Variants in GRK3 observed in about 807,000 individuals in gnomAD.
GRK3 encodes the protein G protein-coupled receptor kinase 3.
A neutral mutation model predicts 95.7 loss-of-function variants in GRK3; 54 were observed. The observed-to-expected ratio is 0.56, with a 90% CI of 0.45 to 0.71. The LOEUF is 0.71. Ranked by LOEUF, GRK3 falls within the 30% of genes least tolerant of loss-of-function variation. The pLI is 0.00. For synonymous variants in GRK3, 281 were observed against 290.8 expected, an observed-to-expected ratio of 0.97 and a Z score of 0.34; for missense variants, 649 against 851.2, an observed-to-expected ratio of 0.76 and a Z score of 2.96.
At chr22:25,604,292 A>G in intron 1 of GRK3, 85 bp from the exon 2 acceptor site, 2 of 981,030 alleles carry the variant, frequency 2.0e-6, no homozygotes, top group Non-Finnish European at 3.1e-6. Context: ...ATATGAAGTC[A>G]AGACATCCGT....
Position 25,722,431 on chromosome 22 carries a change from G to A in GRK3, c.2048G>A (p.Arg683Lys). The change falls in exon 21 of 21, where the codon AGA (arginine) becomes AAA (lysine). Residue 683 changes from arginine to lysine, a missense_variant. Around this residue, in one of 3 missense-constraint regions of GRK3, gnomAD observed 382 missense variants for 493.8 expected, o/e 0.77. Transcript: ENST00000324198. The stretch of plus-strand genomic sequence containing the variant: ...CTCCCAAAGCCATCCCTCTGTCACA[G>A]AAACAGCAACGGCCTCTAGCACCCA... ...VELPKPSLCHRNSNGL is the reference protein window; with the variant it reads ...VELPKPSLCHKNSNGL 1 of 1,614,174 alleles carries A rather than the reference G, an allele frequency of 6.2e-7. No individual in the cohort carries two copies. The highest frequency in any genetic ancestry group is 8.5e-7 in the Non-Finnish European group (1 of 1,180,022).
Position 25,633,168 on chromosome 22 carries a change from C to T in GRK3, c.191-11424C>T, listed in dbSNP as rs577366723. Among the ~76,000 whole-genome samples the T allele has an allele frequency of 1.4e-3, 208 of 152,180 alleles. 3 individuals carry two copies. The highest frequency in any genetic ancestry group is 3.7e-3 in the African/African-American group (153 of 41,514). ...CTGACCTCAAGTGATCCACCCGCCT[C>T]GGCCTCCCAAAGTGCTAGGATTACA... On this transcript the variant is annotated intron_variant, in intron 2 of 20. Transcript: ENST00000324198.
chr22:25,654,822 G>C lies in GRK3; in HGVS notation c.265-6754G>C, dbSNP rs183516249. Among the ~76,000 whole-genome samples the C allele has an allele frequency of 2.0e-3, 301 of 152,224 alleles. 1 individual carries two copies. The highest frequency in any genetic ancestry group is 6.9e-3 in the African/African-American group (287 of 41,538). ...CATTTCCATTTGAACTTGAAGCATTGGTGTTTCTCTTAGCTGGCATCCTCC... is the reference window on the plus strand; with the variant it reads ...CATTTCCATTTGAACTTGAAGCATTCGTGTTTCTCTTAGCTGGCATCCTCC... On this transcript the variant is annotated intron_variant, in intron 3 of 20. Coordinates refer to ENST00000324198, the MANE Select transcript of GRK3 (RefSeq NM_005160.4).
At chr22:25,716,744 A>G (rs2085388858) in intron 18 of GRK3, among the ~76,000 whole-genome samples, 1 of 152,252 alleles carries the variant, frequency 6.6e-6, no homozygotes, top group Admixed American at 6.5e-5. Flanking sequence ...ATAAAAAATA[A>G]TGCAAATAAA....
chr22:25,645,520 G>A (rs913258262), intron 3 of GRK3, among the ~76,000 whole-genome samples: 2 of 152,190 alleles, frequency 1.3e-5, no homozygotes, highest in African/African-American at 2.4e-5. Flanking sequence ...ACTGAGTGGG[G>A]TGGGAGGCCA....
At chr22:25,595,960 A>G (rs113520165) in intron 1 of GRK3, among the ~76,000 whole-genome samples, 3,661 of 152,274 alleles carry the variant, frequency 0.024, 47 homozygotes, top group East Asian at 0.037. Flanking sequence ...GTATGTGTGT[A>G]TATGTAATAC....
At chr22:25,565,799 G>A (rs1931457282) in intron 1 of GRK3, among the ~76,000 whole-genome samples, 1 of 152,114 alleles carries the variant, frequency 6.6e-6, no homozygotes. Flanking sequence ...TCTTTTTGGT[G>A]CCAAGTGTGT....
At chr22:25,572,222 G>A (rs892584935) in intron 1 of GRK3, among the ~76,000 whole-genome samples, 5 of 152,142 alleles carry the variant, frequency 3.3e-5, no homozygotes, top group Admixed American at 6.5e-5. Context: ...ATTCCATGGT[G>A]TATATGTGCC....
intron 2 of GRK3, among the ~76,000 whole-genome samples, chr22:25,636,039 T>G (rs1449760484): frequency 6.6e-6 from 1 of 152,202 alleles, no homozygotes; most frequent in Non-Finnish European, 1.5e-5. Context: ...TTTCCCAGTT[T>G]TGGCTACTAG....
chr22:25,722,991 G>C lies in GRK3; in HGVS notation c.*541G>C, dbSNP rs2085445729. Reference sequence around the variant, plus strand: ...AAGTTGAAGATATTTCTGCACTTGGGCCCTCCTCTGGGAGCCGCACCCACA... The same window carrying C: ...AAGTTGAAGATATTTCTGCACTTGGCCCCTCCTCTGGGAGCCGCACCCACA... On this transcript the variant is annotated 3_prime_UTR_variant, in exon 21 of 21. Transcript: ENST00000324198. 6.6e-6 allele frequency: 1 copy of C among 152,436 alleles called. No homozygotes were observed. The highest frequency in any genetic ancestry group is 1.5e-5 in the Non-Finnish European group (1 of 68,268). 9.4% of individuals were successfully genotyped at this position (152,436 alleles called of 1,614,324 possible).
chr22:25,630,122 A>G (rs1438135189), intron 2 of GRK3, among the ~76,000 whole-genome samples: 1 of 152,240 alleles, frequency 6.6e-6, no homozygotes, highest in East Asian at 1.9e-4. Context: ...TCATAGCCAC[A>G]TGAATTATCA....
chr22:25,641,307 C>T (rs541408057), intron 2 of GRK3, among the ~76,000 whole-genome samples: 80 of 152,270 alleles, frequency 5.3e-4, no homozygotes, highest in Non-Finnish European at 8.7e-4. Context: ...CTCATCCCTC[C>T]TCTTTCTGTC....
At chr22:25,713,001 A>G (rs924153686) in intron 17 of GRK3, among the ~76,000 whole-genome samples, 3 of 152,232 alleles carry the variant, frequency 2.0e-5, no homozygotes, top group Non-Finnish European at 4.4e-5. Context: ...AGGGTGGGGG[A>G]AAACTCACCT....
At chr22:25,651,945 T>C (rs1377906430) in intron 3 of GRK3, among the ~76,000 whole-genome samples, 3 of 152,182 alleles carry the variant, frequency 2.0e-5, no homozygotes, top group Non-Finnish European at 4.4e-5. Flanking sequence ...GCACACTTTT[T>C]AAAATGAATA....
intron 2 of GRK3, among the ~76,000 whole-genome samples, chr22:25,636,132 C>T (rs2084699521): frequency 6.6e-6 from 1 of 152,156 alleles, no homozygotes; most frequent in Admixed American, 6.5e-5. Context: ...GTTTAAAGCT[C>T]ATGTTGTTAT....
At chr22:25,683,282 A>G (rs1324125957) in intron 9 of GRK3, among the ~76,000 whole-genome samples, 2 of 152,210 alleles carry the variant, frequency 1.3e-5, no homozygotes, top group Non-Finnish European at 2.9e-5. Context: ...GTTGGTAGAC[A>G]TTGGGGTTAT....
chr22:25,632,630 C>T (rs1160053043), intron 2 of GRK3, among the ~76,000 whole-genome samples: 1 of 152,042 alleles, frequency 6.6e-6, no homozygotes, highest in Non-Finnish European at 1.5e-5. Flanking sequence ...GAATTTTTTC[C>T]TACAATTTTA....
At chr22:25,589,947 A>T (rs538622462) in intron 1 of GRK3, among the ~76,000 whole-genome samples, 1 of 152,180 alleles carries the variant, frequency 6.6e-6, no homozygotes, top group Admixed American at 6.5e-5. Flanking sequence ...CTAATTCACT[A>T]TCATGAAAAC....
intron 1 of GRK3, chr22:25,581,247 G>A (rs1052059435): frequency 6.6e-6 from 1 of 152,230 alleles, no homozygotes; most frequent in African/African-American, 2.4e-5. Context: ...CCTTTTGCAT[G>A]TTTGAAAACT....
Sources: gnomAD v4.1 joint callset for allele counts (sites outside exome capture counted in the v4.1 genomes callset) on GRCh38, gnomAD v4.1.1 for gene constraint, gnomAD v4.1.1 regional missense constraint, MANE v1.5 for transcripts, NCBI Gene and HGNC (gene_info 2026-07-23, HGNC 2026-07-21) for gene names.